EDARADD: variants seen among roughly 807,000 people sequenced by gnomAD.
The protein encoded by EDARADD is EDAR associated via death domain.
Under a neutral mutation model 25.6 loss-of-function variants are expected in EDARADD, and 20 were observed. The ratio of observed to expected loss-of-function variants is 0.78; its 90% CI spans 0.55 to 1.14. EDARADD has a LOEUF of 1.14. Among genes scored for constraint, EDARADD ranks in the 50% most tolerant of loss-of-function variants. The probability of loss-of-function intolerance (pLI) is 0.00; values close to 1 mark genes in which losing one functional copy is unlikely to be tolerated. For missense variants in EDARADD, 225 were observed against 270.1 expected (o/e 0.83, Z 1.17); for synonymous variants, 86 against 94.4 (o/e 0.91, Z 0.52).
chr1:236,447,606 C>T (rs1489826703), intron 4 of EDARADD, among the ~76,000 whole-genome samples: 1 of 152,052 alleles, frequency 6.6e-6, no homozygotes, highest in Admixed American at 6.6e-5. Flanking sequence ...CCCTGTTAAG[C>T]GGGAGGGGTC....
In EDARADD at chr1:236,482,621, A is replaced by T; in HGVS notation, c.620A>T (p.Glu207Val). Residue 207 changes from glutamate (E) to valine (V), a missense_variant, in exon 6 of 6, where the codon GAG (glutamate) becomes GTG (valine). Physicochemically the swap from Glu to Val is moderately radical, Grantham distance 121. Transcript: ENST00000334232. ...RWVDEEWPKR[E>V]RGDPSRHF ...GTGGACGAGGAGTGGCCCAAGCGGG[A>T]GCGTGGAGACCCCTCCAGGCACTTC... The T allele has an allele frequency of 1.2e-6, 2 of 1,612,140 alleles. No individual in the cohort carries two copies. Among genetic ancestry groups the T allele is most frequent in the Non-Finnish European group, 1.7e-6 (2 of 1,180,012 alleles).
rs546158868 is a variant in EDARADD, at chr1:236,463,979, G to A, written c.220-4252G>A. Among the ~76,000 whole-genome samples the A allele has an allele frequency of 1.0e-3, 153 of 152,278 alleles. 2 individuals are homozygous for A. Among genetic ancestry groups the A allele is most frequent in the African/African-American group, 3.5e-3 (147 of 41,560 alleles). ...ACACCCAGGGCACAGAACCCAGACC[G>A]GGGGTTTGGAGAAGGTGTCCTAGCA... On this transcript the variant is annotated intron_variant, in intron 4 of 5. Transcript: ENST00000334232.
At chr1:236,454,717 T>G (rs1396217042) in intron 4 of EDARADD, among the ~76,000 whole-genome samples, 1 of 152,214 alleles carries the variant, frequency 6.6e-6, no homozygotes, top group Non-Finnish European at 1.5e-5. Context: ...GCCCGGGGCC[T>G]GGCCCAGCAC....
At chr1:236,479,745 CAAAAA>C (rs71928175) in intron 5 of EDARADD, among the ~76,000 whole-genome samples, 1 of 146,202 alleles carries the variant, frequency 6.8e-6, no homozygotes, top group Non-Finnish European at 1.5e-5. Flanking sequence ...AAAGTTTAAT[CAAAAA>C]AAAAAAGAAA....
chr1:236,392,444 C>T (rs1180821073), upstream of EDARADD, among the ~76,000 whole-genome samples: 1 of 151,980 alleles, frequency 6.6e-6, no homozygotes, highest in African/African-American at 2.4e-5. Context: ...GTGCTTCACC[C>T]TCCGAGAGTA....
chr1:236,392,141 G>T (rs1667433535), upstream of EDARADD, among the ~76,000 whole-genome samples: 1 of 152,140 alleles, frequency 6.6e-6, no homozygotes, highest in Non-Finnish European at 1.5e-5. Context: ...TTTTAAAATT[G>T]CATTAATGAA....
intron 4 of EDARADD, among the ~76,000 whole-genome samples, chr1:236,457,333 G>A (rs1658896740): frequency 1.3e-5 from 2 of 151,998 alleles, no homozygotes; most frequent in Admixed American, 1.3e-4. Context: ...CTGGGCAACA[G>A]GGTGAAACAA....
intron 5 of EDARADD, among the ~76,000 whole-genome samples, chr1:236,474,029 T>TTTA (rs1659431515): frequency 6.6e-6 from 1 of 152,124 alleles, no homozygotes; most frequent in Non-Finnish European, 1.5e-5. Context: ...ATACAGGAAA[T>TTTA]GCTGCCACCT....
chr1:236,416,766 C>T (rs1657649556), intron 3 of EDARADD, among the ~76,000 whole-genome samples: 2 of 152,140 alleles, frequency 1.3e-5, no homozygotes, highest in South Asian at 4.1e-4. Context: ...CATTTGCGCT[C>T]AACAATATAA....
intron 4 of EDARADD, among the ~76,000 whole-genome samples, chr1:236,430,545 A>G (rs1256606387): frequency 6.6e-6 from 1 of 152,226 alleles, no homozygotes; most frequent in Non-Finnish European, 1.5e-5. Flanking sequence ...GTGAAAATAT[A>G]TTTATCAACT....
At chr1:236,405,777 CTTTCTTTCTTTCTTTTCTTTTT>C (rs1667704900) in intron 1 of EDARADD, among the ~76,000 whole-genome samples, 1 of 68,184 alleles carries the variant, frequency 1.5e-5, no homozygotes, top group Non-Finnish European at 3.1e-5. Flanking sequence ...TTCTTTCTTT[CTTTCTTTCTTTCTTTTCTTTTT>C]CTTTCTTTCT....
chr1:236,364,761 C>T (rs578147091), intron 3 of EDARADD, among the ~76,000 whole-genome samples: 118 of 152,286 alleles, frequency 7.7e-4, no homozygotes, highest in Admixed American at 1.6e-3. Context: ...ACTTGCTAAA[C>T]TCACTTATTA....
At position 236,395,409 on chromosome 1, in the gene EDARADD, C is replaced by G; in HGVS notation, c.61+904C>G. The G allele has an allele frequency of 7.0e-7, 1 of 1,438,654 alleles. No homozygotes were observed. Among genetic ancestry groups the G allele is most frequent in the Non-Finnish European group, 9.1e-7 (1 of 1,096,018 alleles). 89.1% of individuals were successfully genotyped at this position (1,438,654 alleles called of 1,614,324 possible). On this transcript the variant is annotated intron_variant, in intron 1 of 5. Coordinates refer to ENST00000334232, the MANE Select transcript of EDARADD (RefSeq NM_145861.4). This position sits in a 1 kb window ranked among gnomAD's most constrained non-coding sequence, Gnocchi z 6.9. ...TACCGAGGGACGCGCAGCGAAGGGG[C>G]TTTGCTAATTGCCAAAGCAGGAAGT... is the stretch of plus-strand genomic sequence containing the variant.
chr1:236,397,307 G>T (rs556518851), intron 1 of EDARADD, among the ~76,000 whole-genome samples: 1 of 152,240 alleles, frequency 6.6e-6, no homozygotes, highest in Non-Finnish European at 1.5e-5. Flanking sequence ...CTACTCGGGG[G>T]GCTGAGGCAG....
chr1:236,424,154 C>CTTTTTT lies in EDARADD; in HGVS notation c.161-3219_161-3214dup, dbSNP rs34454343. Among the ~76,000 whole-genome samples the CTTTTTT allele has an allele frequency of 8.3e-4, 62 of 74,416 alleles. 4 individuals carry two copies. Among genetic ancestry groups the CTTTTTT allele is most frequent in the African/African-American group, 1.2e-3 (24 of 20,124 alleles). 48.8% of individuals were successfully genotyped at this position (74,416 alleles called of 152,430 possible). A position where few individuals can be genotyped will look rare whatever the true frequency, so the allele number is the denominator to read the frequency against. ...ATTGTAGTAATCCACTGTGAAGCATCTTTTTTTTTTTTTTTTTTTTTTTTG... is the reference window on the plus strand; with the variant it reads ...ATTGTAGTAATCCACTGTGAAGCATCTTTTTTTTTTTTTTTTTTTTTTTTTTTTTTG... On this transcript the variant is annotated intron_variant, in intron 3 of 5. Transcript: ENST00000334232.
intron 3 of EDARADD, among the ~76,000 whole-genome samples, chr1:236,361,222 C>G (rs1439578028): frequency 6.6e-6 from 1 of 152,044 alleles, no homozygotes; most frequent in Non-Finnish European, 1.5e-5. Flanking sequence ...CTGTGTAATC[C>G]CTTTCCCCTA....
chr1:236,425,729 C>G (rs539348965), intron 3 of EDARADD, among the ~76,000 whole-genome samples: 1 of 152,216 alleles, frequency 6.6e-6, no homozygotes, highest in Non-Finnish European at 1.5e-5. Flanking sequence ...GGGGTCCAGT[C>G]AGTTCACAAC....
intron 5 of EDARADD, among the ~76,000 whole-genome samples, chr1:236,481,005 A>T (rs984736101): frequency 2.0e-5 from 3 of 152,150 alleles, no homozygotes; most frequent in Non-Finnish European, 4.4e-5. Context: ...GCCACTTCAA[A>T]GGGAGCCTGT....
intron 3 of EDARADD, among the ~76,000 whole-genome samples, chr1:236,382,701 C>T (rs1336837186): frequency 6.6e-6 from 1 of 152,196 alleles, no homozygotes; most frequent in African/African-American, 2.4e-5. Context: ...CAGTCTAGGA[C>T]TAATTATTCT....
Sources: allele counts gnomAD v4.1 joint callset (sites outside exome capture counted in the v4.1 genomes callset), GRCh38; gene constraint gnomAD v4.1.1; non-coding constraint Gnocchi (gnomAD v3.1); transcripts MANE v1.5; gene names NCBI Gene and HGNC (gene_info 2026-07-23, HGNC 2026-07-21).